BBX: variants seen among roughly 807,000 people sequenced by gnomAD.
The protein encoded by BBX is HMG box transcription factor BBX.
A neutral mutation model predicts 100.2 loss-of-function variants in BBX; 30 were observed. That is an observed-to-expected ratio of 0.30 (90% confidence interval 0.22 to 0.41). The LOEUF is 0.41. Ranked by LOEUF, BBX falls within the 10% of genes least tolerant of loss-of-function variation. The pLI is 1.00. For synonymous variants in BBX, 376 were observed against 388.1 expected (o/e 0.97, Z 0.37); for missense variants, 1,023 against 1,129.8 (o/e 0.91, Z 1.35).
At chr3:107,668,959 A>G (rs1003461563) in intron 3 of BBX, among the ~76,000 whole-genome samples, 2 of 152,106 alleles carry the variant, frequency 1.3e-5, no homozygotes, top group African/African-American at 4.8e-5. Context: ...CAAATAAGGG[A>G]GACACCTACT....
chr3:107,579,527 T>G (rs756692211), intron 2 of BBX, among the ~76,000 whole-genome samples: 4 of 152,260 alleles, frequency 2.6e-5, no homozygotes, highest in African/African-American at 4.8e-5. Flanking sequence ...CTCCTTATTG[T>G]CCTGTCTGGA....
chr3:107,558,903 G>T (rs972517433), intron 2 of BBX, among the ~76,000 whole-genome samples: 5 of 152,184 alleles, frequency 3.3e-5, no homozygotes, highest in African/African-American at 1.2e-4. Context: ...AGTTGCTTCT[G>T]ACCGGGGGGA....
chr3:107,643,963 T>C (rs1262248756), intron 2 of BBX, among the ~76,000 whole-genome samples: 1 of 152,140 alleles, frequency 6.6e-6, no homozygotes, highest in Non-Finnish European at 1.5e-5. Flanking sequence ...CTACCATGAT[T>C]CCTTCGTTAT....
chr3:107,655,663 G>A (rs1021692806), intron 3 of BBX, among the ~76,000 whole-genome samples: 2 of 150,904 alleles, frequency 1.3e-5, no homozygotes, highest in East Asian at 1.9e-4. Flanking sequence ...GACTTCAGGC[G>A]TGTGCCACCA....
intron 4 of BBX, 49 bp downstream of exon 4, chr3:107,710,671 A>G (rs781275532): frequency 2.1e-5 from 31 of 1,478,468 alleles, no homozygotes; most frequent in East Asian, 7.4e-5. Flanking sequence ...AGAGCAAATC[A>G]TAATCTAGAA....
intron 2 of BBX, among the ~76,000 whole-genome samples, chr3:107,636,058 T>C (rs1368176447): frequency 6.6e-6 from 1 of 152,188 alleles, no homozygotes; most frequent in East Asian, 1.9e-4. Flanking sequence ...CTGTCTCCTC[T>C]CCCTTTGGGC....
intron 2 of BBX, among the ~76,000 whole-genome samples, chr3:107,640,057 T>A (rs189366023): frequency 1.3e-4 from 20 of 152,294 alleles, no homozygotes; most frequent in African/African-American, 4.8e-4. Flanking sequence ...TGCTTTGAAT[T>A]TATAATATCT....
intron 3 of BBX, among the ~76,000 whole-genome samples, chr3:107,649,692 A>T (rs2057726715): frequency 6.6e-6 from 1 of 152,210 alleles, no homozygotes; most frequent in Non-Finnish European, 1.5e-5. Context: ...AAGGGTTTTT[A>T]AAAAATTGTC....
At chr3:107,603,560 G>A (rs1052795307) in intron 2 of BBX, among the ~76,000 whole-genome samples, 9 of 151,080 alleles carry the variant, frequency 6.0e-5, no homozygotes, top group African/African-American at 2.2e-4. Flanking sequence ...TGTATTTTTA[G>A]TAGAGATGGG....
Position 107,728,908 on chromosome 3 carries a change from C to A in BBX, c.549C>A (p.Ser183Arg). ...FPSDSSRDLPSPKKAKTEEMP... is the reference protein window; with the variant it reads ...FPSDSSRDLPRPKKAKTEEMP... ...CTGACTCTTCAAGAGACTTGCCAAG[C>A]CCCAAGAAAGCAAAGACTGAAGAAA... The change falls in exon 6 of 18, where the codon AGC (serine) becomes AGA (arginine). Residue 183 changes from serine (S) to arginine (R), a missense_variant. Ser to Arg is a moderately radical substitution (Grantham distance 110). Around this residue, in one of 9 missense-constraint regions of BBX, gnomAD observed 229 missense variants for 226.3 expected, o/e 1.01. Transcript: ENST00000325805. 2 of 1,613,824 alleles carry A rather than the reference C, an allele frequency of 1.2e-6. No homozygotes were observed. Among genetic ancestry groups the A allele is most frequent in the East Asian group, 2.2e-5 (1 of 44,860 alleles).
intron 2 of BBX, among the ~76,000 whole-genome samples, chr3:107,607,867 G>A (rs1047084054): frequency 2.0e-5 from 3 of 152,242 alleles, no homozygotes; most frequent in African/African-American, 4.8e-5. Flanking sequence ...TTTGAGAGAT[G>A]TCTAGTCAGA....
At chr3:107,611,390 C>T (rs186401998) in intron 2 of BBX, among the ~76,000 whole-genome samples, 17 of 152,262 alleles carry the variant, frequency 1.1e-4, no homozygotes, top group Admixed American at 9.8e-4. Flanking sequence ...GATTGAAGAA[C>T]TTCCTGTAGC....
intron 2 of BBX, among the ~76,000 whole-genome samples, chr3:107,610,972 C>T (rs1162894478): frequency 6.6e-6 from 1 of 151,764 alleles, no homozygotes; most frequent in Non-Finnish European, 1.5e-5. Flanking sequence ...AGGTGATTTT[C>T]ACTGGTGGTA....
intron 17 of BBX, among the ~76,000 whole-genome samples, chr3:107,802,010 C>T (rs1440183593): frequency 6.6e-6 from 1 of 152,190 alleles, no homozygotes; most frequent in Admixed American, 6.5e-5. Flanking sequence ...ACCCTTTGAA[C>T]TCAGCGAAGC....
rs2057486115 is a variant in BBX, at chr3:107,645,865, T to C, written c.-54T>C. 6.6e-6 allele frequency: 1 copy of C among 152,632 alleles called. No individual in the cohort carries two copies. Among genetic ancestry groups the C allele is most frequent in the Admixed American group, 6.6e-5 (1 of 15,260 alleles). The allele number at this position is 152,632 out of a possible 1,614,324, so 9.5% of individuals were successfully genotyped here. A position where few individuals can be genotyped will look rare whatever the true frequency, so the allele number is the denominator to read the frequency against. On this transcript the variant is annotated 5_prime_UTR_variant, in exon 3 of 18. Transcript: ENST00000325805. ...CTGCTGCATCACAGAAGCTGGAAGT[T>C]CTGATGTTCCACTGAAATCACAATG...
chr3:107,565,599 A>G (rs574525386), intron 2 of BBX, among the ~76,000 whole-genome samples: 19 of 151,584 alleles, frequency 1.3e-4, no homozygotes, highest in Admixed American at 1.2e-3. Context: ...CCTTCCGAGT[A>G]GCTGGGATTA....
rs2062138537 is a variant in BBX, at chr3:107,716,755, G to C, written c.311G>C (p.Arg104Thr). Residue 104 changes from arginine to threonine, a missense_variant, in exon 5 of 18, where the codon AGG becomes ACG. Transcript: ENST00000325805. ...HRSLVRQEHP[R>T]LDNRGATKIL... The stretch of plus-strand genomic sequence containing the variant: ...TCTCTTGTACGTCAGGAACACCCCA[G>C]GCTTGATAACCGAGGTGCTACCAAG... 6.2e-7 allele frequency: 1 copy of C among 1,613,652 alleles called. No individual in the cohort carries two copies. Among genetic ancestry groups the C allele is most frequent in the Non-Finnish European group, 8.5e-7 (1 of 1,179,788 alleles).
At chr3:107,690,238 G>T (rs932538854) in intron 3 of BBX, among the ~76,000 whole-genome samples, 3 of 152,122 alleles carry the variant, frequency 2.0e-5, no homozygotes, top group Admixed American at 6.5e-5. Context: ...ACTAAAAGCA[G>T]CATGGGCTCA....
intron 2 of BBX, among the ~76,000 whole-genome samples, chr3:107,555,328 T>A (rs557868240): frequency 6.6e-6 from 1 of 152,266 alleles, no homozygotes; most frequent in East Asian, 1.9e-4. Flanking sequence ...TCTATATACC[T>A]AGCTCACAAA....
Sources: gnomAD v4.1 joint callset for allele counts (sites outside exome capture counted in the v4.1 genomes callset) on GRCh38, gnomAD v4.1.1 for gene constraint, gnomAD v4.1.1 regional missense constraint, MANE v1.5 for transcripts, NCBI Gene and HGNC (gene_info 2026-07-23, HGNC 2026-07-21) for gene names.